SNX30: variants seen among roughly 807,000 people sequenced by gnomAD.
The protein encoded by SNX30 is sorting nexin-30.
A neutral mutation model predicts 46.4 loss-of-function variants in SNX30; 24 were observed. That is an observed-to-expected ratio of 0.52 (90% confidence interval 0.37 to 0.73). The LOEUF is 0.73. Ranked by LOEUF, SNX30 falls within the 30% of genes least tolerant of loss-of-function variation. SNX30 has a pLI of 0.00. For synonymous variants in SNX30, 189 were observed against 211.5 expected, an observed-to-expected ratio of 0.89 and a Z score of 0.92; for missense variants, 533 against 555.7, an observed-to-expected ratio of 0.96 and a Z score of 0.41.
chr9:112,782,488 A>C (rs1464879256), intron 1 of SNX30, among the ~76,000 whole-genome samples: 1 of 152,224 alleles, frequency 6.6e-6, no homozygotes, highest in East Asian at 1.9e-4. Context: ...ACTGTTCCTT[A>C]ACAAAAAAGT....
chr9:112,768,720 G>A (rs1480262556), intron 1 of SNX30, among the ~76,000 whole-genome samples: 1 of 128,714 alleles, frequency 7.8e-6, no homozygotes, highest in African/African-American at 2.9e-5. Context: ...GCAATGGTAC[G>A]ATCTTGGCTC....
chr9:112,765,991 A>G (rs1452704404), intron 1 of SNX30, among the ~76,000 whole-genome samples: 2 of 152,056 alleles, frequency 1.3e-5, no homozygotes, highest in Non-Finnish European at 2.9e-5. Context: ...TTTAGTAGAG[A>G]TGGGGTTTCA....
At position 112,750,858 on chromosome 9, in the gene SNX30, G is replaced by A; in HGVS notation, c.-144G>A. The A allele has an allele frequency of 1.5e-6, 1 of 679,310 alleles. No individual in the cohort carries two copies. The highest frequency in any genetic ancestry group is 1.9e-6 in the Non-Finnish European group (1 of 539,872). 42.1% of individuals were successfully genotyped at this position (679,310 alleles called of 1,614,324 possible). ...TGAGCGCCGGCAGAGACCAGCCGGC[G>A]GGTGGCGGCGGCCCCCAGCACGGCC... On this transcript the variant is annotated 5_prime_UTR_variant, in exon 1 of 9. Coordinates refer to ENST00000374232, the MANE Select transcript of SNX30 (RefSeq NM_001012994.2).
chr9:112,818,004 C>T (rs1840428263), intron 3 of SNX30, among the ~76,000 whole-genome samples, 189 bp downstream of exon 3: 1 of 152,120 alleles, frequency 6.6e-6, no homozygotes, highest in Admixed American at 6.5e-5. Context: ...TATAGAAAGC[C>T]AGTTTTGCGG....
intron 2 of SNX30, among the ~76,000 whole-genome samples, chr9:112,815,318 G>A (rs1329061926): frequency 1.3e-5 from 2 of 151,810 alleles, no homozygotes; most frequent in Middle Eastern, 3.4e-3. Flanking sequence ...TTATGAAATG[G>A]ATCTGAAAAA....
In SNX30 at chr9:112,870,185, T is replaced by C. The variant is rs1841423579; in HGVS notation, c.*1342T>C. 6.6e-6 allele frequency: 1 copy of C among 152,226 alleles called. No individual in the cohort carries two copies. The highest frequency in any genetic ancestry group is 2.4e-5 in the African/African-American group (1 of 41,458). The allele number at this position is 152,226 out of a possible 1,614,324, so 9.4% of individuals were successfully genotyped here. A position where few individuals can be genotyped will look rare whatever the true frequency, so the allele number is the denominator to read the frequency against. ...TCTTCCAACTCTTTTTTTTTTCTGC[T>C]GAAATGAAGCTACATGTCATGTTTG... On this transcript the variant is annotated 3_prime_UTR_variant, in exon 9 of 9. Coordinates refer to ENST00000374232, the MANE Select transcript of SNX30 (RefSeq NM_001012994.2).
At chr9:112,868,287 C>T (rs1317927893) in intron 8 of SNX30, among the ~76,000 whole-genome samples, 1 of 152,180 alleles carries the variant, frequency 6.6e-6, no homozygotes, top group Non-Finnish European at 1.5e-5. Context: ...TCAGGTGTGG[C>T]CCAAACAAGC....
chr9:112,850,001 G>A lies in SNX30; in HGVS notation c.1015-858G>A, dbSNP rs180690152. ...ACTGCAAGCTTTTCTGTTTTGCTTG[G>A]TGGGTTCATAGCAGCAGAGCTTGGA... On this transcript the variant is annotated intron_variant, in intron 6 of 8. Transcript: ENST00000374232. Among the ~76,000 whole-genome samples, 24 of 152,366 alleles carry A rather than the reference G, an allele frequency of 1.6e-4. No homozygotes were observed. The East Asian group carries it at 4.6e-3, about 29-fold the overall frequency.
chr9:112,838,569 G>C lies in SNX30; in HGVS notation c.886G>C (p.Glu296Gln). The C allele has an allele frequency of 6.2e-7, 1 of 1,614,156 alleles. No homozygotes were observed. Among genetic ancestry groups the C allele is most frequent in the South Asian group, 1.1e-5 (1 of 91,072 alleles). Reference protein sequence around the residue: ...TWSALEGELAEPLEGVSACIG... With the variant: ...TWSALEGELAQPLEGVSACIG... ...GAGCGCCTTGGAGGGTGAGCTGGCT[G>C]AACCCCTGGAGGGTGTGTCAGCTTG... Residue 296 changes from glutamate to glutamine, a missense_variant, in exon 6 of 9, where the codon GAA becomes CAA. Glu to Gln is a conservative substitution (Grantham distance 29). Around this residue, in one of 3 missense-constraint regions of SNX30, gnomAD observed 261 missense variants for 270.9 expected, o/e 0.96. Coordinates refer to ENST00000374232, the MANE Select transcript of SNX30 (RefSeq NM_001012994.2).
exon 5 of SNX30, chr9:112,880,072 T>C: frequency 2.7e-6 from 1 of 367,338 alleles, no homozygotes; most frequent in Non-Finnish European, 5.0e-6. Context: ...GGCTTATGCC[T>C]GTAATCCCAA....
chr9:112,784,442 C>A (rs1413882282), intron 1 of SNX30, among the ~76,000 whole-genome samples: 1 of 152,208 alleles, frequency 6.6e-6, no homozygotes, highest in African/African-American at 2.4e-5. Context: ...AGCTAATCCA[C>A]TTTCCAGGCC....
chr9:112,819,690 G>A (rs1049543819), intron 3 of SNX30, among the ~76,000 whole-genome samples: 3 of 152,196 alleles, frequency 2.0e-5, no homozygotes, highest in South Asian at 4.1e-4. Flanking sequence ...GGATGACCAT[G>A]ACTGTTTTGA....
chr9:112,876,347 G>A (rs572009394), downstream of SNX30, among the ~76,000 whole-genome samples: 16 of 152,134 alleles, frequency 1.1e-4, 1 homozygote, highest in South Asian at 2.7e-3. Context: ...GGGCGTGGTG[G>A]CTCATTCCTG....
rs565033017 is a variant in SNX30, at chr9:112,864,377, A to C, written c.1232A>C (p.Lys411Thr). The change falls in exon 8 of 9, where the codon AAG becomes ACG. Residue 411 changes from lysine (K) to threonine (T), a missense_variant. Physicochemically the swap from Lys to Thr is moderately conservative, Grantham distance 78 (BLOSUM62 -1). This residue lies in a region of SNX30 where 261 missense variants were observed against 270.9 expected (regional missense o/e 0.96). Coordinates refer to ENST00000374232, the MANE Select transcript of SNX30 (RefSeq NM_001012994.2). ...CAGCTACTCATGGGGATGGCTGACA[A>C]GAACATCCAGTATTATGAGAAGGTA... Reference protein sequence around the residue: ...FRQLLMGMADKNIQYYEKCLM... With the variant: ...FRQLLMGMADTNIQYYEKCLM... 1 of 1,614,228 alleles carries C rather than the reference A, an allele frequency of 6.2e-7. No homozygotes were observed. Among genetic ancestry groups the C allele is most frequent in the Non-Finnish European group, 8.5e-7 (1 of 1,180,044 alleles).
rs117326947 is a variant in SNX30, at chr9:112,852,333, A to G, written c.1101+1388A>G. ...CCAACCTGTGTAACAATGATTTACA[A>G]GGTATTTATGTTGTATTAGGTATTA... On this transcript the variant is annotated intron_variant, in intron 7 of 8. Coordinates refer to ENST00000374232, the MANE Select transcript of SNX30 (RefSeq NM_001012994.2). 2.8e-4 allele frequency among the ~76,000 whole-genome samples: 43 copies of G among 152,278 alleles called. No homozygotes were observed. The East Asian group carries it at 7.1e-3, about 25-fold the overall frequency.
chr9:112,823,082 C>G (rs370036171), intron 3 of SNX30, among the ~76,000 whole-genome samples: 1 of 152,124 alleles, frequency 6.6e-6, no homozygotes, highest in Non-Finnish European at 1.5e-5. Flanking sequence ...AAAACATATA[C>G]ATATATAGGT....
At chr9:112,816,381 C>T (rs1305074286) in intron 2 of SNX30, among the ~76,000 whole-genome samples, 1 of 152,214 alleles carries the variant, frequency 6.6e-6, no homozygotes, top group Non-Finnish European at 1.5e-5. Context: ...TTTCCTCTCT[C>T]TCCAGTCCTA....
intron 7 of SNX30, among the ~76,000 whole-genome samples, chr9:112,859,630 G>A (rs575188020): frequency 6.6e-6 from 1 of 151,916 alleles, no homozygotes; most frequent in East Asian, 1.9e-4. Context: ...CTATTTTTTT[G>A]AGACAGAGTC....
chr9:112,819,214 A>G (rs1443893423), intron 3 of SNX30, among the ~76,000 whole-genome samples: 3 of 151,196 alleles, frequency 2.0e-5, no homozygotes, highest in Non-Finnish European at 4.4e-5. Flanking sequence ...AATAAACACC[A>G]TTATTAACTA....
Sources: allele counts gnomAD v4.1 joint callset (sites outside exome capture counted in the v4.1 genomes callset), GRCh38; gene constraint gnomAD v4.1.1; regional missense constraint gnomAD v4.1.1; transcripts MANE v1.5; gene names NCBI Gene and HGNC (gene_info 2026-07-23, HGNC 2026-07-21).